The following C11orf65 variants were observed in gnomAD, a reference collection of about 807,000 sequenced individuals.
C11orf65 encodes the protein chromosome 11 open reading frame 65.
A neutral mutation model predicts 35.3 loss-of-function variants in C11orf65; 38 were observed. That is an observed-to-expected ratio of 1.08 (90% confidence interval 0.83 to 1.41). The LOEUF is 1.41. Among genes scored for constraint, C11orf65 ranks in the 40% most tolerant of loss-of-function variants. C11orf65 has a pLI of 0.00. For synonymous variants in C11orf65, 105 were observed against 114.4 expected (o/e 0.92, Z 0.53); for missense variants, 370 against 367.1 (o/e 1.01, Z -0.06).
chr11:108,322,646 T>A (rs1016261505), intron 6 of C11orf65, among the ~76,000 whole-genome samples: 3 of 152,212 alleles, frequency 2.0e-5, no homozygotes, highest in Non-Finnish European at 4.4e-5. Context: ...TTCTTTCCTT[T>A]TATCAAGATA....
At position 108,409,211 on chromosome 11, in the gene C11orf65, C is replaced by T. The variant is rs184988798; in HGVS notation, c.175-2062G>A. On this transcript the variant is annotated intron_variant, in intron 3 of 8. Transcript: ENST00000393084. ...TTTTCACTGCTATCTAACATTCCATCATATAATAGAATATATGACAATTTA... is the reference window on the plus strand; with the variant it reads ...TTTTCACTGCTATCTAACATTCCATTATATAATAGAATATATGACAATTTA... Among the ~76,000 whole-genome samples the T allele has an allele frequency of 1.9e-3, 286 of 152,218 alleles. 3 individuals are homozygous for T. The highest frequency in any genetic ancestry group is 6.6e-3 in the African/African-American group (275 of 41,536).
chr11:108,363,389 C>T (rs1015812102), intron 2 of C11orf65, among the ~76,000 whole-genome samples: 7 of 152,152 alleles, frequency 4.6e-5, no homozygotes, highest in Non-Finnish European at 7.4e-5. Flanking sequence ...ATTTTATTTT[C>T]TTCCTAATGG....
chr11:108,343,581 A>G (rs2087885853), intron 2 of C11orf65, among the ~76,000 whole-genome samples: 1 of 152,248 alleles, frequency 6.6e-6, no homozygotes, highest in Admixed American at 6.5e-5. Context: ...CCCTTGTCAG[A>G]TAAGAAATGT....
chr11:108,455,073 A>C (rs1279429082), intron 2 of C11orf65, among the ~76,000 whole-genome samples: 1 of 152,154 alleles, frequency 6.6e-6, no homozygotes, highest in Non-Finnish European at 1.5e-5. Flanking sequence ...TTGTGTCTCC[A>C]TTTTGTTTGT....
chr11:108,448,330 G>A lies in C11orf65; in HGVS notation c.81+13149C>T, dbSNP rs573247918. On this transcript the variant is annotated intron_variant, in intron 2 of 8. Transcript: ENST00000393084. ...ACGAAAGCCAGGCAGAGACACAACC[G>A]AAAAAGAGAATTTTAGGCCAATATC... is the stretch of plus-strand genomic sequence containing the variant. Among the ~76,000 whole-genome samples the A allele has an allele frequency of 2.1e-4, 32 of 152,064 alleles. No homozygotes were observed. In the South Asian group the frequency reaches 5.8e-3, roughly 28 times the overall value.
At chr11:108,463,645 T>C (rs2093498463) in intron 1 of C11orf65, among the ~76,000 whole-genome samples, 1 of 152,168 alleles carries the variant, frequency 6.6e-6, no homozygotes, top group Non-Finnish European at 1.5e-5. Flanking sequence ...TACTCATCTG[T>C]AAAATATGGG....
downstream of C11orf65, among the ~76,000 whole-genome samples, chr11:108,330,697 C>A (rs768748500): frequency 4.6e-5 from 7 of 152,136 alleles, no homozygotes; most frequent in Non-Finnish European, 1.0e-4. Context: ...TAGCTTGGTC[C>A]TATGTCTTTG....
At chr11:108,381,960 T>C (rs1035812805), downstream of C11orf65, among the ~76,000 whole-genome samples, 1 of 152,070 alleles carries the variant, frequency 6.6e-6, no homozygotes, top group African/African-American at 2.4e-5. Context: ...CTCTCTCAGG[T>C]TGCTTGCTCA....
At chr11:108,467,703 AT>A (rs1213456638), upstream of C11orf65, among the ~76,000 whole-genome samples, 1 of 152,180 alleles carries the variant, frequency 6.6e-6, no homozygotes, top group Non-Finnish European at 1.5e-5. Context: ...GAGGCAAAGG[AT>A]TTTGGAAGGG....
intron 2 of C11orf65, among the ~76,000 whole-genome samples, chr11:108,363,247 T>G (rs938728838): frequency 1.2e-4 from 19 of 152,186 alleles, no homozygotes; most frequent in South Asian, 2.1e-4. Context: ...TTTTCTTCTC[T>G]TAGATTTCAT....
chr11:108,357,649 G>A (rs2090165240), intron 2 of C11orf65, among the ~76,000 whole-genome samples: 1 of 152,076 alleles, frequency 6.6e-6, no homozygotes. Context: ...TGACCCCCGA[G>A]CAGCCTAACT....
intron 3 of C11orf65, among the ~76,000 whole-genome samples, chr11:108,422,035 G>A (rs567684082): frequency 1.3e-5 from 2 of 152,230 alleles, no homozygotes; most frequent in Non-Finnish European, 2.9e-5. Context: ...TGGCCCAAGC[G>A]ATTCTCCTGT....
At chr11:108,431,627 T>C in intron 3 of C11orf65, 119 bp downstream of exon 3, 1 of 493,962 alleles carries the variant, frequency 2.0e-6, no homozygotes, top group Non-Finnish European at 3.4e-6. Flanking sequence ...AACATATGTG[T>C]AATACTTTAA....
Position 108,438,229 on chromosome 11 carries a change from A to G in C11orf65, c.82-6391T>C, listed in dbSNP as rs144908476. Among the ~76,000 whole-genome samples the G allele has an allele frequency of 2.6e-3, 394 of 152,328 alleles. 2 individuals carry two copies. Among genetic ancestry groups the G allele is most frequent in the African/African-American group, 8.2e-3 (342 of 41,560 alleles). ...AATAATGAAATTGGGTCCTTAATTT[A>G]CACCATATGCAACATTAAATCAAAA... On this transcript the variant is annotated intron_variant, in intron 2 of 8. Coordinates refer to ENST00000393084, the MANE Select transcript of C11orf65 (RefSeq NM_152587.5).
chr11:108,375,244 C>T (rs572671791), intron 2 of C11orf65, among the ~76,000 whole-genome samples: 14 of 152,060 alleles, frequency 9.2e-5, no homozygotes, highest in African/African-American at 2.9e-4. Context: ...AGAGAAAGGT[C>T]GGGTTACCCT....
In C11orf65 at chr11:108,354,883, T is replaced by G. The variant is rs571828498; in HGVS notation, c.227-19591A>C. The G allele has an allele frequency of 6.2e-7, 1 of 1,607,762 alleles. No homozygotes were observed. Among genetic ancestry groups the G allele is most frequent in the East Asian group, 2.2e-5 (1 of 44,838 alleles). On this transcript the variant is annotated intron_variant, in intron 2 of 3. Coordinates refer to the C11orf65 transcript ENST00000524755. ...TGTTAACCATTGTAGAGGTAAAGTA[T>G]TTTATAAGGAAGACTTTATTTTTTT...
At chr11:108,312,162 C>A (rs1172722435) in intron 6 of C11orf65, among the ~76,000 whole-genome samples, 1 of 152,194 alleles carries the variant, frequency 6.6e-6, no homozygotes, top group African/African-American at 2.4e-5. Flanking sequence ...ACAATCCAAT[C>A]TCTTTATAAA....
intron 3 of C11orf65, 149 bp from the exon 4 acceptor site, chr11:108,407,298 TA>T: frequency 6.0e-6 from 4 of 663,974 alleles, no homozygotes; most frequent in Non-Finnish European, 9.3e-6. Flanking sequence ...TAATCAATTT[TA>T]AATTAGAAAA....
rs2086231411 is a variant in C11orf65 at position 108,331,517 on chromosome 11, A to G, written c.*33T>C. 1 of 1,613,462 alleles carries G rather than the reference A, an allele frequency of 6.2e-7. No homozygotes were observed. Among genetic ancestry groups the G allele is most frequent in the Non-Finnish European group, 8.5e-7 (1 of 1,179,722 alleles). On this transcript the variant is annotated 3_prime_UTR_variant, in exon 4 of 4. Coordinates refer to the C11orf65 transcript ENST00000524755. The stretch of plus-strand genomic sequence containing the variant: ...CAATTGGCTGCTAGAATGGGGACCA[A>G]GATGATGGGAGGCCTAGGATTTCAT...
Sources: gnomAD v4.1 joint callset for allele counts (sites outside exome capture counted in the v4.1 genomes callset) on GRCh38, gnomAD v4.1.1 for gene constraint, MANE v1.5 for transcripts, NCBI Gene and HGNC (gene_info 2026-07-23, HGNC 2026-07-21) for gene names.